ASCC1: variants seen among roughly 807,000 people sequenced by gnomAD.
ASCC1 encodes activating signal cointegrator 1 complex subunit 1, also known as ASC-1 complex subunit P50.
In ASCC1, 35 loss-of-function variants were observed where a neutral mutation model predicts 46.6. That is an observed-to-expected ratio of 0.75 (90% CI 0.57 to 0.99). ASCC1 has a LOEUF of 0.99. ASCC1 is among the 50% of genes least tolerant of loss of function. The pLI, the probability that ASCC1 is intolerant of heterozygous loss-of-function variation, is 0.00. For missense variants in ASCC1, 376 were observed against 428.7 expected (o/e 0.88, Z 1.09); for synonymous variants, 143 against 146.6 (o/e 0.98, Z 0.18).
At chr10:72,171,707 G>A (rs957940148) in intron 5 of ASCC1, among the ~76,000 whole-genome samples, 17 of 152,212 alleles carry the variant, frequency 1.1e-4, no homozygotes, top group African/African-American at 3.4e-4. Flanking sequence ...GTGAGCCACC[G>A]CGCCCAGCCC....
At chr10:72,181,975 C>T (rs1382841296) in intron 5 of ASCC1, among the ~76,000 whole-genome samples, 2 of 151,982 alleles carry the variant, frequency 1.3e-5, no homozygotes, top group Non-Finnish European at 2.9e-5. Flanking sequence ...TGTGAGCCAC[C>T]GCACCCGGCC....
chr10:72,208,091 A>C (rs1339805574), intron 3 of ASCC1, among the ~76,000 whole-genome samples: 1 of 152,028 alleles, frequency 6.6e-6, no homozygotes, highest in Non-Finnish European at 1.5e-5. Flanking sequence ...TGGCCTCCCG[A>C]AGTGCTGGGA....
chr10:72,201,982 T>A (rs1856562524), intron 4 of ASCC1, among the ~76,000 whole-genome samples: 1 of 150,744 alleles, frequency 6.6e-6, no homozygotes, highest in Admixed American at 6.6e-5. Flanking sequence ...GGGCATGGTG[T>A]CTCATGCCTG....
intron 9 of ASCC1, among the ~76,000 whole-genome samples, chr10:72,110,189 T>A (rs1842772805): frequency 6.6e-6 from 1 of 152,234 alleles, no homozygotes; most frequent in Non-Finnish European, 1.5e-5. Context: ...GGTGTGGTCA[T>A]CTTCCCTCAG....
chr10:72,112,250 G>A (rs1384024010), intron 9 of ASCC1, among the ~76,000 whole-genome samples: 1 of 152,096 alleles, frequency 6.6e-6, no homozygotes, highest in African/African-American at 2.4e-5. Flanking sequence ...GCCTTAATAA[G>A]GAATGAAATT....
At chr10:72,204,377 A>G in intron 3 of ASCC1, 1 of 1,549,842 alleles carries the variant, frequency 6.5e-7, no homozygotes, top group Non-Finnish European at 8.7e-7. Context: ...CACAATCCCC[A>G]TCACTCCCAC....
At chr10:72,138,411 A>G (rs1164836655) in intron 7 of ASCC1, among the ~76,000 whole-genome samples, 1 of 152,148 alleles carries the variant, frequency 6.6e-6, no homozygotes, top group Non-Finnish European at 1.5e-5. Flanking sequence ...CTGGAAAACT[A>G]GGATTTCTGA....
At chr10:72,192,892 T>C (rs539952754) in intron 5 of ASCC1, among the ~76,000 whole-genome samples, 15 of 152,316 alleles carry the variant, frequency 9.8e-5, no homozygotes, top group African/African-American at 3.1e-4. Flanking sequence ...ATGTTCAACA[T>C]CATTAGCCAT....
intron 7 of ASCC1, among the ~76,000 whole-genome samples, chr10:72,135,326 C>T (rs529506764): frequency 3.3e-5 from 5 of 152,144 alleles, no homozygotes; most frequent in African/African-American, 4.8e-5. Flanking sequence ...GGAGATGAAA[C>T]GGCAGAGAGG....
rs1225435726 is a variant in ASCC1 at position 72,214,579 on chromosome 10, G to GTTGGCCAGGC, written c.-33-1258_-33-1249dup. Among the ~76,000 whole-genome samples the GTTGGCCAGGC allele has an allele frequency of 2.0e-5, 3 of 151,922 alleles. No individual in the cohort carries two copies. In the East Asian group the frequency reaches 5.8e-4, roughly 29 times the overall value. On this transcript the variant is annotated intron_variant, in intron 1 of 9. Transcript: ENST00000672957. ...TTTAGTAGAGATGGGGTTTCGTCATGTTGGCCAGGCTGGTCTGGAACTCCT... is the reference window on the plus strand; with the variant it reads ...TTTAGTAGAGATGGGGTTTCGTCATGTTGGCCAGGCTTGGCCAGGCTGGTCTGGAACTCCT...
At chr10:72,202,463 G>A (rs1355110305) in intron 4 of ASCC1, among the ~76,000 whole-genome samples, 5 of 139,642 alleles carry the variant, frequency 3.6e-5, no homozygotes, top group African/African-American at 1.5e-4. Context: ...GCAAGACTCT[G>A]TCTCAAAAAA....
At chr10:72,184,571 T>C (rs935028112) in intron 5 of ASCC1, among the ~76,000 whole-genome samples, 2 of 152,062 alleles carry the variant, frequency 1.3e-5, no homozygotes, top group Admixed American at 1.3e-4. Context: ...TAGAGAAAGA[T>C]ATTTCATAAC....
intron 9 of ASCC1, among the ~76,000 whole-genome samples, chr10:72,117,850 TA>T (rs1167327173): frequency 2.0e-5 from 3 of 152,188 alleles, no homozygotes; most frequent in Non-Finnish European, 4.4e-5. Flanking sequence ...TGATTTTACT[TA>T]AACAATGTTA....
rs879755366 is a variant in ASCC1 at position 72,096,591 on chromosome 10, G to C, written c.*743C>G. On this transcript the variant is annotated 3_prime_UTR_variant, in exon 10 of 10. Transcript: ENST00000672957. ...CTGGGTGGTAAAGGAATTAAAGGCAGAGTCTCAAAGAGATATTTGCACCCC... is the reference window on the plus strand; with the variant it reads ...CTGGGTGGTAAAGGAATTAAAGGCACAGTCTCAAAGAGATATTTGCACCCC... 2.4e-5 allele frequency: 11 copies of C among 453,540 alleles called. No homozygotes were observed. Among genetic ancestry groups the C allele is most frequent in the Non-Finnish European group, 2.2e-5 (5 of 226,464 alleles). The allele number at this position is 453,540 out of a possible 1,614,324, so 28.1% of individuals were successfully genotyped here.
At chr10:72,188,316 A>G (rs1853824336) in intron 5 of ASCC1, among the ~76,000 whole-genome samples, 1 of 151,332 alleles carries the variant, frequency 6.6e-6, no homozygotes, top group Non-Finnish European at 1.5e-5. Context: ...ATGGGGTTTC[A>G]CTATTTTGGC....
chr10:72,114,955 T>C (rs1022113812), intron 9 of ASCC1, among the ~76,000 whole-genome samples: 3 of 152,236 alleles, frequency 2.0e-5, no homozygotes, highest in Admixed American at 6.5e-5. Context: ...GTTTTACTTA[T>C]TTGGATTTCA....
At chr10:72,145,104 C>T (rs11000188) in intron 7 of ASCC1, among the ~76,000 whole-genome samples, 19,663 of 152,150 alleles carry the variant, frequency 0.13, 4,012 homozygotes, top group African/African-American at 0.43. Context: ...CAGAAAATAT[C>T]ATTCTGCTGT....
chr10:72,158,955 A>T (rs907638172), intron 6 of ASCC1: 1 of 152,246 alleles, frequency 6.6e-6, no homozygotes, highest in African/African-American at 2.4e-5. Context: ...CCAGAGATTT[A>T]ACAGAAGTAC....
At chr10:72,104,164 C>T (rs552990931) in intron 9 of ASCC1, among the ~76,000 whole-genome samples, 284 of 152,242 alleles carry the variant, frequency 1.9e-3, no homozygotes, top group African/African-American at 6.6e-3. Flanking sequence ...CCGTTGATTC[C>T]TGTACTCTAT....
Sources: allele counts gnomAD v4.1 joint callset (sites outside exome capture counted in the v4.1 genomes callset), GRCh38; gene constraint gnomAD v4.1.1; transcripts MANE v1.5; gene names NCBI Gene and HGNC (gene_info 2026-07-23, HGNC 2026-07-21).